The following ALDH18A1 variants were observed in gnomAD, a reference collection of about 807,000 sequenced individuals.
The protein encoded by ALDH18A1 is aldehyde dehydrogenase 18 family member A1.
In ALDH18A1, 44 loss-of-function variants were observed where a neutral mutation model predicts 88.8. That is an observed-to-expected ratio of 0.50 (90% CI 0.39 to 0.64). ALDH18A1 has a LOEUF of 0.64. ALDH18A1 is among the 30% of genes least tolerant of loss of function. The pLI, the probability that ALDH18A1 is intolerant of heterozygous loss-of-function variation, is 0.00. For missense variants in ALDH18A1, 782 were observed against 1,009.5 expected, an observed-to-expected ratio of 0.77 and a Z score of 3.05; for synonymous variants, 331 against 372.1, an observed-to-expected ratio of 0.89 and a Z score of 1.27.
intron 3 of ALDH18A1, among the ~76,000 whole-genome samples, chr10:95,640,496 C>T (rs2139633178): frequency 6.6e-6 from 1 of 152,246 alleles, no homozygotes; most frequent in Admixed American, 6.5e-5. Flanking sequence ...CAGGTGCCAC[C>T]ATTCCTGGCT....
chr10:95,609,640 T>C (rs1394563278), intron 17 of ALDH18A1, among the ~76,000 whole-genome samples: 2 of 152,146 alleles, frequency 1.3e-5, no homozygotes, highest in African/African-American at 2.4e-5. Flanking sequence ...TCTCCCTCTT[T>C]GAAAAATGAA....
At chr10:95,608,507 T>C (rs1199177982) in intron 17 of ALDH18A1, among the ~76,000 whole-genome samples, 1 of 152,222 alleles carries the variant, frequency 6.6e-6, no homozygotes, top group African/African-American at 2.4e-5. Flanking sequence ...TGTCTTTCTG[T>C]TTTGTTTTGT....
chr10:95,622,190 A>G (rs1016713804), intron 11 of ALDH18A1, among the ~76,000 whole-genome samples: 1 of 152,176 alleles, frequency 6.6e-6, no homozygotes, highest in Non-Finnish European at 1.5e-5. Context: ...TTTAAAAAAG[A>G]AAACTTTTTT....
chr10:95,653,258 C>T (rs1389697371), intron 2 of ALDH18A1, 32 bp downstream of exon 2: 1 of 1,541,142 alleles, frequency 6.5e-7, no homozygotes. Context: ...ATCAAACGTC[C>T]CACATACTCA....
At chr10:95,635,433 G>C (rs1431495863) in intron 5 of ALDH18A1, among the ~76,000 whole-genome samples, 4 of 152,210 alleles carry the variant, frequency 2.6e-5, no homozygotes, top group Admixed American at 1.3e-4. Flanking sequence ...TACGTGTTTA[G>C]ACAAGCGCAA....
At chr10:95,630,516 G>A (rs1358763599) in intron 7 of ALDH18A1, among the ~76,000 whole-genome samples, 1 of 152,176 alleles carries the variant, frequency 6.6e-6, no homozygotes. Context: ...TTCAAGACCA[G>A]CCTGGCCAAC....
At chr10:95,642,079 A>G (rs1304581982) in intron 3 of ALDH18A1, among the ~76,000 whole-genome samples, 1 of 152,208 alleles carries the variant, frequency 6.6e-6, no homozygotes, top group Non-Finnish European at 1.5e-5. Flanking sequence ...CTTGTTTTTT[A>G]AAAACTGAAA....
At chr10:95,622,671 G>A (rs1050825064) in intron 11 of ALDH18A1, among the ~76,000 whole-genome samples, 2 of 152,044 alleles carry the variant, frequency 1.3e-5, no homozygotes. Flanking sequence ...CTGAGTAGCT[G>A]GGACTACAGG....
intron 3 of ALDH18A1, among the ~76,000 whole-genome samples, chr10:95,639,261 TCA>T (rs1418385390): frequency 6.6e-6 from 1 of 152,014 alleles, no homozygotes; most frequent in Non-Finnish European, 1.5e-5. Context: ...GCCCTGGAGT[TCA>T]GGGCTGCAGT....
rs496426 is a variant in ALDH18A1, at chr10:95,607,077, A to G, written c.2207-134T>C. The G allele has an allele frequency of 0.81, 698,753 of 867,266 alleles. 284,110 individuals are homozygous for G. Among genetic ancestry groups the G allele is most frequent in the Non-Finnish European group, 0.85 (440,697 of 519,458 alleles). 53.7% of individuals were successfully genotyped at this position (867,266 alleles called of 1,614,324 possible). The stretch of plus-strand genomic sequence containing the variant: ...CTAACTCCTCATCCATCCTCCCCAG[A>G]AGAGCTGAGTCACCCTGTTCCCATA... On this transcript the variant is annotated intron_variant, in intron 17 of 17. Coordinates refer to ENST00000371224, the MANE Select transcript of ALDH18A1 (RefSeq NM_002860.4).
intron 10 of ALDH18A1, 62 bp from the exon 11 acceptor site, chr10:95,625,517 A>G: frequency 7.1e-7 from 1 of 1,416,146 alleles, no homozygotes; most frequent in African/African-American, 1.4e-5. Flanking sequence ...TGCACACCAC[A>G]GTTTTTAAAC....
chr10:95,622,826 C>T (rs141605538), intron 11 of ALDH18A1, among the ~76,000 whole-genome samples: 5,323 of 152,162 alleles, frequency 0.035, 121 homozygotes, highest in Non-Finnish European at 0.049. Flanking sequence ...CATGAGACAC[C>T]GCACCCGGCC....
chr10:95,620,909 T>A, intron 12 of ALDH18A1, 122 bp downstream of exon 12: 1 of 974,334 alleles, frequency 1.0e-6, no homozygotes, highest in Non-Finnish European at 1.5e-6. Context: ...CTGCACGTTG[T>A]GCACATGTAC....
chr10:95,624,075 G>T (rs2097857107), intron 11 of ALDH18A1, among the ~76,000 whole-genome samples: 1 of 152,204 alleles, frequency 6.6e-6, no homozygotes, highest in South Asian at 2.1e-4. Context: ...GACCTCAGGT[G>T]ATCTGCCCAG....
chr10:95,617,876 G>T (rs2097846540), intron 12 of ALDH18A1, among the ~76,000 whole-genome samples: 1 of 152,134 alleles, frequency 6.6e-6, no homozygotes, highest in Non-Finnish European at 1.5e-5. Context: ...GAGTCTGGCA[G>T]TCATCACTGG....
chr10:95,607,773 A>G (rs2139516916), intron 17 of ALDH18A1, among the ~76,000 whole-genome samples: 1 of 152,246 alleles, frequency 6.6e-6, no homozygotes, highest in East Asian at 1.9e-4. Flanking sequence ...ATGGTCAGGG[A>G]AAGCCTCCCT....
intron 11 of ALDH18A1, among the ~76,000 whole-genome samples, chr10:95,621,730 C>A (rs1054163628): frequency 6.6e-6 from 1 of 152,122 alleles, no homozygotes; most frequent in African/African-American, 2.4e-5. Flanking sequence ...TAGTACATAG[C>A]ATCATGTAAA....
chr10:95,606,600 G>A lies in ALDH18A1; in HGVS notation c.*162C>T. On this transcript the variant is annotated 3_prime_UTR_variant, in exon 18 of 18. Coordinates refer to ENST00000371224, the MANE Select transcript of ALDH18A1 (RefSeq NM_002860.4). ...GCTGGGAGCCAGACTGTGCACATCA[G>A]CCAAGACTGCTATTGCCAAACGGAG... 1 of 1,575,418 alleles carries A rather than the reference G, an allele frequency of 6.3e-7. No individual in the cohort carries two copies. Among genetic ancestry groups the A allele is most frequent in the Non-Finnish European group, 8.6e-7 (1 of 1,166,306 alleles).
rs1369973646 is a variant in ALDH18A1 at position 95,621,148 on chromosome 10, G to A, written c.1350C>T (p.Ser450=). Residue 450 remains serine (S), a synonymous_variant, in exon 12 of 18, where the codon AGC becomes AGT. Coordinates refer to ENST00000371224, the MANE Select transcript of ALDH18A1 (RefSeq NM_002860.4). ...LRQIAASSQD[S]VGRVLRRTRI... Reference sequence around the variant, plus strand: ...GGGTGCGGCGCAAAACACGTCCCACGCTGTCCTGGGAGGAGGCTGCGATCT... The same window carrying A: ...GGGTGCGGCGCAAAACACGTCCCACACTGTCCTGGGAGGAGGCTGCGATCT... 11 of 1,613,900 alleles carry A rather than the reference G, an allele frequency of 6.8e-6. No individual in the cohort carries two copies. The highest frequency in any genetic ancestry group is 4.5e-5 in the East Asian group (2 of 44,872).
Sources: allele counts gnomAD v4.1 joint callset (sites outside exome capture counted in the v4.1 genomes callset), GRCh38; gene constraint gnomAD v4.1.1; transcripts MANE v1.5; gene names NCBI Gene and HGNC (gene_info 2026-07-23, HGNC 2026-07-21).